The following ACSM2B variants were observed in gnomAD, a reference collection of about 807,000 sequenced individuals.
ACSM2B encodes acyl-coenzyme A synthetase ACSM2B, mitochondrial.
ACSM2B carries 58 observed loss-of-function variants against 78.6 expected under a neutral mutation model. That is an observed-to-expected ratio of 0.74 (90% CI 0.60 to 0.92). ACSM2B has a LOEUF of 0.92. ACSM2B is among the 40% of genes least tolerant of loss of function. The pLI is 0.00. For missense variants in ACSM2B, 688 were observed against 711.2 expected (o/e 0.97, Z 0.37); for synonymous variants, 257 against 256.8 (o/e 1.00, Z -0.01).
intron 1 of ACSM2B, among the ~76,000 whole-genome samples, chr16:20,567,179 T>C (rs1227691300): frequency 2.3e-5 from 3 of 133,056 alleles, no homozygotes; most frequent in East Asian, 2.1e-4. Flanking sequence ...TATATAATAC[T>C]ATTATAACAT....
In ACSM2B at chr16:20,559,848, C is replaced by G. The variant is rs143643033; in HGVS notation, c.178-401G>C. ...TGTCTTAGTAGAATAACATTGGATC[C>G]TCTCATCTGATTCTGCATTCACTCT... On this transcript the variant is annotated intron_variant, in intron 2 of 13. Transcript: ENST00000329697. 7.6e-3 allele frequency among the ~76,000 whole-genome samples: 1,153 copies of G among 150,912 alleles called. 51 individuals are homozygous for G. The highest frequency in any genetic ancestry group is 0.02 in the Middle Eastern group (6 of 294).
At chr16:20,566,634 G>A (rs371498074) in intron 1 of ACSM2B, among the ~76,000 whole-genome samples, 3 of 40,254 alleles carry the variant, frequency 7.5e-5, no homozygotes, top group Admixed American at 8.0e-4. Flanking sequence ...ACTATATATA[G>A]TATATATATA....
At chr16:20,558,445 T>C (rs1472602720) in intron 3 of ACSM2B, among the ~76,000 whole-genome samples, 3 of 151,342 alleles carry the variant, frequency 2.0e-5, no homozygotes, top group Non-Finnish European at 4.4e-5. Flanking sequence ...TGGCTGTCTA[T>C]GCAATTATTA....
At chr16:20,548,030 A>C in intron 8 of ACSM2B, 32 bp downstream of exon 8, 1 of 1,610,784 alleles carries the variant, frequency 6.2e-7, no homozygotes, top group Non-Finnish European at 8.5e-7. Flanking sequence ...CAAAAAGTGC[A>C]CACAGCCCAT....
intron 8 of ACSM2B, 152 bp downstream of exon 8, chr16:20,547,910 T>A (rs922620157): frequency 8.7e-6 from 13 of 1,490,912 alleles, no homozygotes; most frequent in South Asian, 2.8e-5. Context: ...TGTGCTGAAT[T>A]TTCAATACTC....
chr16:20,552,448 T>C (rs899315095), intron 5 of ACSM2B, 151 bp from the exon 6 acceptor site: 2 of 1,216,080 alleles, frequency 1.6e-6, no homozygotes, highest in Admixed American at 2.7e-5. Context: ...TAAGTATAAG[T>C]AGGAAGGGGG....
rs771347362 is a variant in ACSM2B, at chr16:20,545,242, C to T, written c.1196G>A (p.Gly399Asp). 8 of 1,613,646 alleles carry T rather than the reference C, an allele frequency of 5.0e-6. No individual in the cohort carries two copies. The highest frequency in any genetic ancestry group is 5.1e-6 in the Non-Finnish European group (6 of 1,179,742). The change falls in exon 10 of 14, where the codon GGC (glycine) becomes GAC (aspartate). Residue 399 changes from glycine (G) to aspartate (D), a missense_variant. Physicochemically the swap from Gly to Asp is moderately conservative, Grantham distance 94. Coordinates refer to ENST00000329697, the MANE Select transcript of ACSM2B (RefSeq NM_001105069.2). ...TTCTGTGCCGGGGGGCAGGACGTTGCCCTTATCATCTATAACCTGGAGAAA... is the reference window on the plus strand; with the variant it reads ...TTCTGTGCCGGGGGGCAGGACGTTGTCCTTATCATCTATAACCTGGAGAAA... ...CYDVQVIDDK[G>D]NVLPPGTEGD... is the part of the protein sequence containing the mutation.
chr16:20,566,580 A>T (rs2015854029), intron 1 of ACSM2B, among the ~76,000 whole-genome samples: 1 of 96,876 alleles, frequency 1.0e-5, no homozygotes, highest in Admixed American at 1.6e-4. Flanking sequence ...GAGATATGTT[A>T]TCTATAAATA....
intron 2 of ACSM2B, among the ~76,000 whole-genome samples, chr16:20,561,595 T>C (rs1178271564): frequency 2.6e-5 from 4 of 151,994 alleles, no homozygotes; most frequent in African/African-American, 9.7e-5. Context: ...CAACATGAGA[T>C]TTGGAGAAAA....
intron 4 of ACSM2B, 102 bp from the exon 5 acceptor site, chr16:20,554,022 T>TGAGG (rs2015395850): frequency 7.4e-7 from 1 of 1,351,414 alleles, no homozygotes. Context: ...AAAGGGCAAG[T>TGAGG]TGATGGACCC....
intron 6 of ACSM2B, among the ~76,000 whole-genome samples, 163 bp from the exon 7 acceptor site, chr16:20,548,636 C>T (rs1380413824): frequency 1.3e-5 from 2 of 152,216 alleles, no homozygotes; most frequent in African/African-American, 2.4e-5. Context: ...CCACAACTCT[C>T]ATGCACCCTG....
chr16:20,572,630 G>A (rs1478919095), intron 1 of ACSM2B, among the ~76,000 whole-genome samples: 2 of 149,302 alleles, frequency 1.3e-5, no homozygotes, highest in Non-Finnish European at 3.0e-5. Context: ...TCTTTAGCAA[G>A]GCTGGGAAAG....
chr16:20,550,041 A>G (rs1173818878), intron 6 of ACSM2B, among the ~76,000 whole-genome samples: 1 of 152,126 alleles, frequency 6.6e-6, no homozygotes, highest in African/African-American at 2.4e-5. Flanking sequence ...TGTTAATACC[A>G]GAAAGGTATA....
At chr16:20,549,256 T>C (rs1235801434) in intron 6 of ACSM2B, among the ~76,000 whole-genome samples, 1 of 152,166 alleles carries the variant, frequency 6.6e-6, no homozygotes, top group African/African-American at 2.4e-5. Flanking sequence ...TTTTCTGTTG[T>C]TATAACTGAG....
At chr16:20,555,003 A>G (rs1021410380) in intron 4 of ACSM2B, among the ~76,000 whole-genome samples, 11 of 152,224 alleles carry the variant, frequency 7.2e-5, no homozygotes, top group African/African-American at 2.7e-4. Context: ...GATGCTAATG[A>G]TTCAGTGCTT....
chr16:20,554,015 G>C (rs2015395327), intron 4 of ACSM2B, 95 bp from the exon 5 acceptor site: 3 of 1,544,538 alleles, frequency 1.9e-6, no homozygotes, highest in East Asian at 2.3e-5. Flanking sequence ...GTGCTGAAAA[G>C]GGCAAGTTGA....
intron 5 of ACSM2B, among the ~76,000 whole-genome samples, chr16:20,553,174 C>T (rs1044529389): frequency 1.3e-5 from 2 of 151,944 alleles, no homozygotes; most frequent in African/African-American, 4.8e-5. Context: ...ATGTATCTTC[C>T]CATTCTAATA....
intron 8 of ACSM2B, chr16:20,547,145 T>G (rs2015166674): frequency 9.8e-7 from 1 of 1,021,840 alleles, no homozygotes; most frequent in Middle Eastern, 5.1e-4. Flanking sequence ...CGCCACCCAC[T>G]GTGCTGGAAA....
chr16:20,537,186 G>T lies in ACSM2B; in HGVS notation c.*72C>A. 1 of 1,558,246 alleles carries T rather than the reference G, an allele frequency of 6.4e-7. No individual in the cohort carries two copies. The highest frequency in any genetic ancestry group is 2.2e-5 in the East Asian group (1 of 44,464). ...TCATAAAGAATCTCATATCATCATA[G>T]TAAGGCCAAGGGCCCAAAGGGAAAA... On this transcript the variant is annotated 3_prime_UTR_variant, in exon 14 of 14. Coordinates refer to ENST00000329697, the MANE Select transcript of ACSM2B (RefSeq NM_001105069.2).
Sources: gnomAD v4.1 joint callset for allele counts (sites outside exome capture counted in the v4.1 genomes callset) on GRCh38, gnomAD v4.1.1 for gene constraint, MANE v1.5 for transcripts, NCBI Gene and HGNC (gene_info 2026-07-23, HGNC 2026-07-21) for gene names.